The following OBSL1 variants were observed in gnomAD, a reference collection of about 807,000 sequenced individuals.
OBSL1 encodes the protein obscurin-like protein 1.
OBSL1 carries 160 observed loss-of-function variants against 172.0 expected under a neutral mutation model. The ratio of observed to expected loss-of-function variants is 0.93; its 90% CI spans 0.82 to 1.06. The LOEUF is 1.06. Ranked by LOEUF, OBSL1 falls within the 50% of genes least tolerant of loss-of-function variation. The probability of loss-of-function intolerance (pLI) is 0.00; values close to 1 mark genes in which losing one functional copy is unlikely to be tolerated. For missense variants in OBSL1, 2,681 were observed against 2,715.4 expected (o/e 0.99, Z 0.28); for synonymous variants, 1,200 against 1,196.3 (o/e 1.00, Z -0.06).
intron 18 of OBSL1, 30 bp from the exon 19 acceptor site, chr2:219,552,246 G>A (rs146512743): frequency 6.4e-7 from 1 of 1,552,272 alleles, no homozygotes; most frequent in Admixed American, 1.9e-5. Flanking sequence ...TAGCGAGGCC[G>A]GAGCCACCTC....
rs1361973159 is a variant in OBSL1 at position 219,552,983 on chromosome 2, C to T, written c.5031G>A (p.Gln1677=). Residue 1677 remains glutamine (Q), a synonymous_variant, in exon 17 of 21, where the codon CAG becomes CAA. Transcript: ENST00000404537. ...GGAGAAGGCGGCGCGTGCCGAGGGC[C>T]TGGAGCCGGAGCCGCGGGCTAGGCG... ...ALTPSPRLRL[Q]ALGTRRLLQL... is the part of the protein sequence containing the mutation. The T allele has an allele frequency of 5.2e-6, 8 of 1,529,244 alleles. No homozygotes were observed. The highest frequency in any genetic ancestry group is 5.0e-5 in the East Asian group (2 of 39,762). The allele number at this position is 1,529,244 out of a possible 1,614,324, so 94.7% of individuals were successfully genotyped here.
Position 219,568,605 on chromosome 2 carries a change from T to C in OBSL1, c.1013-281A>G, listed in dbSNP as rs1230836365. ...AAAATGGGGAAAGGGAGAGAAGGGG[T>C]TGGACCAGATTGATGATTTCCAAAC... On this transcript the variant is annotated intron_variant, in intron 1 of 20. Transcript: ENST00000404537. The surrounding 1 kb of genome is among the most constrained non-coding windows in gnomAD (Gnocchi z 4.1). Among the ~76,000 whole-genome samples the C allele has an allele frequency of 6.6e-6, 1 of 152,128 alleles. No individual in the cohort carries two copies. The highest frequency in any genetic ancestry group is 1.5e-5 in the Non-Finnish European group (1 of 68,016).
Position 219,556,181 on chromosome 2 carries a change from C to T in OBSL1, c.4448G>A (p.Trp1483Ter), listed in dbSNP as rs769517574. Residue 1483 changes from tryptophan to a stop codon, truncating the protein, a stop_gained, in exon 14 of 21, where the codon TGG (tryptophan) becomes TAG (stop). Coordinates refer to ENST00000404537, the MANE Select transcript of OBSL1 (RefSeq NM_015311.3). LOFTEE classifies it high-confidence loss of function. ...GGGCAGGGGCTGCCCACCTCGCACC[C>T]AGCGCACGGCCCCCGCTGCACCCAC... ...GRVGAAGAVRWVRGGQPLPHD... is the reference protein window; with the variant it reads ...GRVGAAGAVR The T allele has an allele frequency of 1.2e-6, 2 of 1,612,946 alleles. No individual in the cohort carries two copies. Among genetic ancestry groups the T allele is most frequent in the Non-Finnish European group, 1.7e-6 (2 of 1,179,572 alleles).
Position 219,559,515 on chromosome 2 carries a change from C to G in OBSL1, c.2954-18G>C. The G allele has an allele frequency of 1.3e-6, 2 of 1,598,540 alleles. No individual in the cohort carries two copies. Among genetic ancestry groups the G allele is most frequent in the Non-Finnish European group, 1.7e-6 (2 of 1,167,434 alleles). ...TGGGGGTTCTGCAGGGTGGGGACAA[C>G]CACAGCCTGTCACAAGCTCACCGTC... On this transcript the variant is annotated intron_variant, in intron 8 of 20. Coordinates refer to ENST00000404537, the MANE Select transcript of OBSL1 (RefSeq NM_015311.3).
intron 12 of OBSL1, chr2:219,556,935 C>G: frequency 1.8e-6 from 1 of 556,706 alleles, no homozygotes; most frequent in Non-Finnish European, 3.1e-6. Flanking sequence ...AGCCTAGCAC[C>G]CCACCTTGGT....
intron 3 of OBSL1, 27 bp from the exon 4 acceptor site, chr2:219,567,602 G>T: frequency 6.3e-7 from 1 of 1,598,066 alleles, no homozygotes; most frequent in Non-Finnish European, 8.6e-7. Flanking sequence ...GATGTGTTCC[G>T]GCCTTGCTTG....
rs1448028481 is a variant in OBSL1, at chr2:219,558,392, G to A, written c.3294C>T (p.Arg1098=). 6.2e-7 allele frequency: 1 copy of A among 1,606,726 alleles called. No individual in the cohort carries two copies. The highest frequency in any genetic ancestry group is 8.5e-7 in the Non-Finnish European group (1 of 1,177,572). Reference sequence around the variant, plus strand: ...GGGCCACCTCACAGCGCAGCTCCACGCGCCCTGGAGCCCCAAAATGCAGAT... The same window carrying A: ...GGGCCACCTCACAGCGCAGCTCCACACGCCCTGGAGCCCCAAAATGCAGAT... ...SLDLHFGAPG[R]VELRCEVAPA... The change falls in exon 10 of 21, where the codon CGC becomes CGT. Residue 1098 remains arginine (R), a synonymous_variant. Transcript: ENST00000404537.
Position 219,552,976 on chromosome 2 carries a change from C to T in OBSL1, c.5038G>A (p.Gly1680Ser). The T allele has an allele frequency of 3.9e-6, 6 of 1,530,868 alleles. No homozygotes were observed. The highest frequency in any genetic ancestry group is 4.4e-6 in the Non-Finnish European group (5 of 1,143,086). 94.8% of individuals were successfully genotyped at this position (1,530,868 alleles called of 1,614,324 possible). Residue 1680 changes from glycine (G) to serine (S), a missense_variant, in exon 17 of 21, where the codon GGC becomes AGC. Transcript: ENST00000404537. ...PSPRLRLQAL[G>S]TRRLLQLRRC... is the part of the protein sequence containing the mutation. ...CGCAGCTGGAGAAGGCGGCGCGTGC[C>T]GAGGGCCTGGAGCCGGAGCCGCGGG...
chr2:219,558,794 A>G (rs1439771187), intron 9 of OBSL1, among the ~76,000 whole-genome samples: 1 of 152,094 alleles, frequency 6.6e-6, no homozygotes, highest in Admixed American at 6.5e-5. Flanking sequence ...ACCCCACTCC[A>G]CACCCATCCC....
downstream of OBSL1, chr2:219,547,954 C>A: frequency 6.3e-7 from 1 of 1,590,094 alleles, no homozygotes. Flanking sequence ...TGGAGCGACT[C>A]CGGGCTGCTC....
chr2:219,554,775 C>T (rs1028532634), intron 14 of OBSL1, 35 bp from the exon 15 acceptor site: 8 of 1,512,418 alleles, frequency 5.3e-6, no homozygotes, highest in Non-Finnish European at 7.1e-6. Context: ...GAGGATGAGG[C>T]CTCCAGCTCT....
chr2:219,559,302 G>A lies in OBSL1; in HGVS notation c.3149C>T (p.Ala1050Val). The change falls in exon 9 of 21, where the codon GCT (alanine) becomes GTT (valine). Residue 1050 changes from alanine to valine, a missense_variant. Coordinates refer to ENST00000404537, the MANE Select transcript of OBSL1 (RefSeq NM_015311.3). ...CTCGCCCCCGTCCTCGGGCTGAGCA[G>A]CAGGTAGCACCAGGCGGCAGCGTGG... ...DGPRCRLVLPAAQPEDGGEFV... is the reference protein window; with the variant it reads ...DGPRCRLVLPVAQPEDGGEFV... 2 of 1,613,960 alleles carry A rather than the reference G, an allele frequency of 1.2e-6. No homozygotes were observed. The highest frequency in any genetic ancestry group is 1.7e-6 in the Non-Finnish European group (2 of 1,179,868).
downstream of OBSL1, chr2:219,550,173 C>A: frequency 3.8e-6 from 1 of 266,316 alleles, no homozygotes; most frequent in Non-Finnish European, 7.1e-6. Flanking sequence ...GGGACCCTTG[C>A]CTTAGATTTC....
At chr2:219,559,131 C>A in intron 9 of OBSL1, 94 bp downstream of exon 9, 1 of 1,216,018 alleles carries the variant, frequency 8.2e-7, no homozygotes. Context: ...AAGGGGAAGG[C>A]TGGGGATGGG....
chr2:219,567,289 G>A lies in OBSL1; in HGVS notation c.1821C>T (p.His607=), dbSNP rs371357258. ...CCAACTCACCAAGGTGAGCAGAACC[G>A]TGGAACACCACGTGGGGACTACGGC... ...GHGRSPHVVF[H]GSAHLVPTAR... is the part of the protein sequence containing the mutation. The change falls in exon 4 of 21, where the codon CAC becomes CAT. Residue 607 remains histidine, a synonymous_variant. Coordinates refer to ENST00000404537, the MANE Select transcript of OBSL1 (RefSeq NM_015311.3). The A allele has an allele frequency of 3.2e-5, 51 of 1,597,972 alleles. No individual in the cohort carries two copies. In the African/African-American group the frequency reaches 4.5e-4, roughly 14 times the overall value.
downstream of OBSL1, chr2:219,549,448 C>T (rs187361679): frequency 7.0e-7 from 1 of 1,432,532 alleles, no homozygotes; most frequent in African/African-American, 1.4e-5. Flanking sequence ...TGGTTGCTAT[C>T]TAGAAGGCCT....
At chr2:219,549,588 G>A (rs1574509309), downstream of OBSL1, 1 of 1,416,514 alleles carries the variant, frequency 7.1e-7, no homozygotes, top group Non-Finnish European at 9.6e-7. Flanking sequence ...ATGTGGTGGG[G>A]TCTCAGGGCT....
At chr2:219,548,198 C>A, downstream of OBSL1, 1 of 976,954 alleles carries the variant, frequency 1.0e-6, no homozygotes, top group Non-Finnish European at 1.5e-6. Flanking sequence ...CGGTAGAGAG[C>A]TGACTTGCTC....
In OBSL1 at chr2:219,566,913, T is replaced by C. The variant is rs747297449; in HGVS notation, c.2051A>G (p.His684Arg). ...QKGLQHRLIL[H>R]AVKHQDSGAL... ...ACCGCTGTCCTGGTGCTTGACGGCA[T>C]GCAGGATGAGTCTGTGCTGCAGACC... The change falls in exon 5 of 21, where the codon CAT becomes CGT. Residue 684 changes from histidine (H) to arginine (R), a missense_variant. His to Arg is a conservative substitution (Grantham distance 29). This residue lies in a region of OBSL1 where 1,765 missense variants were observed against 1,748.3 expected (regional missense o/e 1.01). Coordinates refer to ENST00000404537, the MANE Select transcript of OBSL1 (RefSeq NM_015311.3). The C allele has an allele frequency of 1.1e-5, 17 of 1,611,396 alleles. No homozygotes were observed. Among genetic ancestry groups the C allele is most frequent in the South Asian group, 2.2e-5 (2 of 91,060 alleles).
Sources: allele counts gnomAD v4.1 joint callset (sites outside exome capture counted in the v4.1 genomes callset), GRCh38; gene constraint gnomAD v4.1.1; regional missense constraint gnomAD v4.1.1; non-coding constraint Gnocchi (gnomAD v3.1); transcripts MANE v1.5; gene names NCBI Gene and HGNC (gene_info 2026-07-23, HGNC 2026-07-21).